Variants in LARGE1 observed in about 807,000 individuals in gnomAD.
LARGE1 encodes the protein xylosyl- and glucuronyltransferase LARGE1.
Under a neutral mutation model 87.6 loss-of-function variants are expected in LARGE1, and 43 were observed. The observed-to-expected ratio is 0.49, with a 90% CI of 0.38 to 0.63. LARGE1 has a LOEUF of 0.63. Ranked by LOEUF, LARGE1 falls within the 30% of genes least tolerant of loss-of-function variation. The pLI, the probability that LARGE1 is intolerant of heterozygous loss-of-function variation, is 0.00. For synonymous variants in LARGE1, 434 were observed against 394.6 expected, an observed-to-expected ratio of 1.10 and a Z score of -1.18; for missense variants, 802 against 1,000.2, an observed-to-expected ratio of 0.80 and a Z score of 2.67.
chr22:33,574,686 TTGTGTG>T (rs3986017), intron 5 of LARGE1, among the ~76,000 whole-genome samples: 7,344 of 143,890 alleles, frequency 0.051, 273 homozygotes, highest in East Asian at 0.1. Context: ...ATATAAACAA[TTGTGTG>T]TGTGTGTGTG....
the LARGE1 span, among the ~76,000 whole-genome samples, chr22:33,116,041 G>T: frequency 6.6e-6 from 1 of 152,066 alleles, no homozygotes; most frequent in African/African-American, 2.4e-5. Context: ...GGCATCCCTA[G>T]AAAACTAATA....
chr22:33,497,195 T>A (rs1381810097), intron 6 of LARGE1, among the ~76,000 whole-genome samples: 1 of 151,790 alleles, frequency 6.6e-6, no homozygotes, highest in Non-Finnish European at 1.5e-5. Flanking sequence ...CCTGCCTCAG[T>A]CTCCCAAACA....
chr22:33,419,406 G>C (rs2066612902), intron 7 of LARGE1, among the ~76,000 whole-genome samples: 1 of 151,664 alleles, frequency 6.6e-6, no homozygotes. Flanking sequence ...AATGATGAGG[G>C]CCATGATCAT....
intron 1 of LARGE1, among the ~76,000 whole-genome samples, chr22:33,891,104 C>A (rs1314856707): frequency 6.6e-6 from 1 of 152,030 alleles, no homozygotes; most frequent in Non-Finnish European, 1.5e-5. Context: ...AACAGGCAGG[C>A]CCCTTGCTTC....
chr22:33,171,420 A>G (rs1922564209), intron 11 of LARGE1, among the ~76,000 whole-genome samples: 1 of 152,204 alleles, frequency 6.6e-6, no homozygotes, highest in Non-Finnish European at 1.5e-5. Context: ...AATGAGGAAA[A>G]TGTCTCCAGG....
intron 5 of LARGE1, among the ~76,000 whole-genome samples, chr22:33,602,440 G>A (rs1291374397): frequency 6.6e-6 from 1 of 152,088 alleles, no homozygotes; most frequent in Non-Finnish European, 1.5e-5. Flanking sequence ...ACAGTGGTAC[G>A]ATCATAGCTC....
At chr22:33,516,113 T>C (rs1489767690) in intron 6 of LARGE1, among the ~76,000 whole-genome samples, 1 of 152,124 alleles carries the variant, frequency 6.6e-6, no homozygotes, top group Non-Finnish European at 1.5e-5. Context: ...GGGATGCTGT[T>C]TGAGAGAAGA....
Position 33,274,578 on chromosome 22 carries a change from G to A in LARGE1, c.2120C>T (p.Pro707Leu), listed in dbSNP as rs779333513. ...VLPNAYMIHM[P>L]HAPSFDITKF... The stretch of plus-strand genomic sequence containing the variant: ...GGTAATGTCGAAGCTGGGGGCATGA[G>A]GCATGTGGATCATGTAGGCGTTGGG... The change falls in exon 15 of 15, where the codon CCT (proline) becomes CTT (leucine). Residue 707 changes from proline to leucine, a missense_variant. Physicochemically the swap from Pro to Leu is moderately conservative, Grantham distance 98. Transcript: ENST00000397394. The A allele has an allele frequency of 2.5e-6, 4 of 1,614,156 alleles. No homozygotes were observed. Among genetic ancestry groups the A allele is most frequent in the East Asian group, 2.2e-5 (1 of 44,878 alleles).
intron 9 of LARGE1, among the ~76,000 whole-genome samples, chr22:33,351,298 G>T (rs1423892938): frequency 1.3e-5 from 2 of 152,242 alleles, no homozygotes; most frequent in Non-Finnish European, 2.9e-5. Flanking sequence ...AGTCATGTGA[G>T]CACCCATATG....
rs185380631 is a variant in LARGE1 at position 33,746,627 on chromosome 22, G to T, written c.106+14744C>A. 2.3e-3 allele frequency among the ~76,000 whole-genome samples: 351 copies of T among 152,342 alleles called. 2 individuals are homozygous for T. The highest frequency in any genetic ancestry group is 7.8e-3 in the African/African-American group (324 of 41,570). On this transcript the variant is annotated intron_variant, in intron 2 of 14. Transcript: ENST00000397394. ...GAGTCCACAGGAAAGTTCTAAAAAG[G>T]AAGTATGCTATATAAATGAAGTGCA... is the stretch of plus-strand genomic sequence containing the variant.
intron 1 of LARGE1, among the ~76,000 whole-genome samples, chr22:33,877,062 TCCAGTGACC>T (rs960146511): frequency 1.3e-5 from 2 of 152,100 alleles, no homozygotes; most frequent in African/African-American, 2.4e-5. Flanking sequence ...GATCATCACA[TCCAGTGACC>T]CCAAAGCATC....
chr22:33,537,107 A>G (rs5754598), intron 6 of LARGE1, among the ~76,000 whole-genome samples: 84,571 of 152,142 alleles, frequency 0.56, 23,892 homozygotes, highest in Admixed American at 0.65. Flanking sequence ...CACCGCGCCC[A>G]GTGAAAGGCC....
At chr22:33,257,764 A>G (rs1347940891) in intron 11 of LARGE1, among the ~76,000 whole-genome samples, 1 of 152,232 alleles carries the variant, frequency 6.6e-6, no homozygotes, top group Non-Finnish European at 1.5e-5. Context: ...GAGAATCTAC[A>G]TTCACTCATC....
At chr22:33,774,460 A>T (rs2085170288) in intron 1 of LARGE1, among the ~76,000 whole-genome samples, 1 of 152,044 alleles carries the variant, frequency 6.6e-6, no homozygotes, top group South Asian at 2.1e-4. Context: ...GGGTTGAAGC[A>T]ATTCTCCTGA....
intron 11 of LARGE1, among the ~76,000 whole-genome samples, chr22:33,183,636 A>ACACACACACACACGCACG (rs1923311456): frequency 6.7e-6 from 1 of 150,146 alleles, no homozygotes; most frequent in African/African-American, 2.5e-5. Flanking sequence ...ACACACACAC[A>ACACACACACACACGCACG]CACACACACA....
intron 7 of LARGE1, among the ~76,000 whole-genome samples, chr22:33,410,925 G>C (rs1028817247): frequency 6.6e-6 from 1 of 152,280 alleles, no homozygotes; most frequent in Non-Finnish European, 1.5e-5. Flanking sequence ...AACCTGAGAG[G>C]CCCCAGAGAA....
intron 12 of LARGE1, among the ~76,000 whole-genome samples, chr22:33,289,025 C>CT (rs1211658879): frequency 6.6e-6 from 1 of 152,070 alleles, no homozygotes. Context: ...GTGGTGCGAT[C>CT]TCGGCTCACT....
the LARGE1 span, among the ~76,000 whole-genome samples, chr22:33,085,596 T>C: frequency 6.6e-6 from 1 of 152,222 alleles, no homozygotes; most frequent in African/African-American, 2.4e-5. Flanking sequence ...ATCAATACAA[T>C]GTTCTTCAAA....
At chr22:33,587,437 A>C (rs1283207029) in intron 5 of LARGE1, among the ~76,000 whole-genome samples, 1 of 152,134 alleles carries the variant, frequency 6.6e-6, no homozygotes, top group African/African-American at 2.4e-5. Flanking sequence ...AAGTAATAAA[A>C]ATTTTTAAAG....
Sources: gnomAD v4.1 joint callset for allele counts (sites outside exome capture counted in the v4.1 genomes callset) on GRCh38, gnomAD v4.1.1 for gene constraint, MANE v1.5 for transcripts, NCBI Gene and HGNC (gene_info 2026-07-23, HGNC 2026-07-21) for gene names.